Variants in DGCR2 observed in about 807,000 individuals in gnomAD.
The protein encoded by DGCR2 is integral membrane protein DGCR2/IDD.
DGCR2 carries 24 observed loss-of-function variants against 51.6 expected under a neutral mutation model. That is an observed-to-expected ratio of 0.47 (90% CI 0.34 to 0.65). The LOEUF is 0.65. Ranked by LOEUF, DGCR2 falls within the 30% of genes least tolerant of loss-of-function variation. DGCR2 has a pLI of 0.01. For synonymous variants in DGCR2, 340 were observed against 315.4 expected (o/e 1.08, Z -0.82); for missense variants, 765 against 772.1 (o/e 0.99, Z 0.11).
rs769343769 is a variant in DGCR2, at chr22:19,039,035, G to A, written c.1483C>T (p.Gln495Ter). Reference sequence around the variant, plus strand: ...GAGGCCCCCGCAGTGGGCAGAGGCTGCTCCAGGCGCCGGAGTAATGCACCT... The same window carrying A: ...GAGGCCCCCGCAGTGGGCAGAGGCTACTCCAGGCGCCGGAGTAATGCACCT... ...SEGALLRRLEQPLPTAGASLA... is the reference protein window; with the variant it reads ...SEGALLRRLE The change falls in exon 10 of 10, where the codon CAG becomes TAG. Residue 495 changes from glutamine (Q) to a stop codon, truncating the protein, a stop_gained. Coordinates refer to ENST00000263196, the MANE Select transcript of DGCR2 (RefSeq NM_005137.3). LOFTEE classifies it low-confidence loss of function (END_TRUNC). 8.7e-6 allele frequency: 14 copies of A among 1,612,878 alleles called. No homozygotes were observed. The highest frequency in any genetic ancestry group is 1.2e-5 in the Non-Finnish European group (14 of 1,179,894).
intron 3 of DGCR2, chr22:19,065,330 C>T (rs561857944): frequency 4.1e-5 from 20 of 487,612 alleles, no homozygotes; most frequent in South Asian, 1.5e-4. Context: ...TAGTCAAGAA[C>T]GGCTGCTGAA....
Position 19,037,042 on chromosome 22 carries a change from C to T in DGCR2, c.*1823G>A, listed in dbSNP as rs971561114. 37 of 152,478 alleles carry T rather than the reference C, an allele frequency of 2.4e-4. No homozygotes were observed. The highest frequency in any genetic ancestry group is 3.8e-4 in the Non-Finnish European group (26 of 68,238). The allele number at this position is 152,478 out of a possible 1,614,324, so 9.4% of individuals were successfully genotyped here. ...CTGGCCACCTGGCACCCATAATGCA[C>T]ATGCCTGCTGCTCTGGAACCTGGCT... On this transcript the variant is annotated 3_prime_UTR_variant, in exon 10 of 10. Transcript: ENST00000263196.
chr22:19,063,386 G>A, intron 4 of DGCR2, 108 bp from the exon 5 acceptor site: 1 of 1,031,468 alleles, frequency 9.7e-7, no homozygotes, highest in Non-Finnish European at 1.4e-6. Flanking sequence ...CTGTCACCAG[G>A]ATGGAGTGCA....
At chr22:19,063,115 A>C in intron 5 of DGCR2, 87 bp downstream of exon 5, 1 of 1,293,580 alleles carries the variant, frequency 7.7e-7, no homozygotes, top group Non-Finnish European at 1.1e-6. Context: ...CGGGCCAGGC[A>C]GCACTGGGTA....
Position 19,039,080 on chromosome 22 carries a change from G to A in DGCR2, c.1438C>T (p.Pro480Ser). Residue 480 changes from proline (P) to serine (S), a missense_variant, in exon 10 of 10, where the codon CCT (proline) becomes TCT (serine). This residue lies in a region of DGCR2 where 205 missense variants were observed against 181.4 expected (regional missense o/e 1.13). Coordinates refer to ENST00000263196, the MANE Select transcript of DGCR2 (RefSeq NM_005137.3). ...FEPVEVSLPA[P>S]GDGGSEGALL... ...GCACCTTCACTCCCACCATCCCCAG[G>A]GGCTGGCAGGCTGACCTCCACAGGC... is the stretch of plus-strand genomic sequence containing the variant. 4 of 1,613,242 alleles carry A rather than the reference G, an allele frequency of 2.5e-6. No homozygotes were observed. The highest frequency in any genetic ancestry group is 3.4e-6 in the Non-Finnish European group (4 of 1,180,002).
chr22:19,084,324 GC>G (rs550237589), intron 2 of DGCR2, among the ~76,000 whole-genome samples: 424 of 150,540 alleles, frequency 2.8e-3, no homozygotes, highest in Non-Finnish European at 4.7e-3. Flanking sequence ...GAGCGCCTCT[GC>G]CCCGCCGCCC....
intron 3 of DGCR2, among the ~76,000 whole-genome samples, chr22:19,067,688 G>A (rs1375803283): frequency 6.4e-5 from 9 of 140,370 alleles, no homozygotes; most frequent in Admixed American, 3.0e-4. Flanking sequence ...GTGAGACTCC[G>A]TCTCTAAATA....
rs776725112 is a variant in DGCR2, at chr22:19,057,198, C to T, written c.626-36G>A. On this transcript the variant is annotated intron_variant, in intron 5 of 9. Transcript: ENST00000263196. The surrounding 1 kb of genome is among the most constrained non-coding windows in gnomAD (Gnocchi z 5.1). ...GACAAAAGGTGGGGCTGGACAACAT[C>T]ACATCAGAGGACAAGCTGTGCAGTC... 1 of 1,558,964 alleles carries T rather than the reference C, an allele frequency of 6.4e-7. No individual in the cohort carries two copies. Among genetic ancestry groups the T allele is most frequent in the East Asian group, 2.3e-5 (1 of 43,302 alleles).
chr22:19,066,110 A>T (rs2082745573), intron 3 of DGCR2, among the ~76,000 whole-genome samples: 1 of 152,216 alleles, frequency 6.6e-6, no homozygotes, highest in Non-Finnish European at 1.5e-5. Flanking sequence ...GCAGACAAGG[A>T]ATCAGAGGGC....
At chr22:19,075,682 G>A (rs536463696) in intron 2 of DGCR2, among the ~76,000 whole-genome samples, 23 of 152,332 alleles carry the variant, frequency 1.5e-4, no homozygotes, top group Admixed American at 2.6e-4. Context: ...GAAACATACA[G>A]TATTTGTTAT....
intron 2 of DGCR2, among the ~76,000 whole-genome samples, chr22:19,083,914 G>C (rs375117280): frequency 6.6e-6 from 1 of 152,168 alleles, no homozygotes; most frequent in East Asian, 1.9e-4. Flanking sequence ...TGGAGACGGG[G>C]TTTTGCTGTG....
At chr22:19,104,545 C>A (rs2083241684) in intron 1 of DGCR2, among the ~76,000 whole-genome samples, 1 of 152,188 alleles carries the variant, frequency 6.6e-6, no homozygotes, top group Admixed American at 6.5e-5. Flanking sequence ...CTAAGAAAAT[C>A]AAAACATTTC....
intron 2 of DGCR2, among the ~76,000 whole-genome samples, chr22:19,084,569 A>G (rs369846641): frequency 0.018 from 1,165 of 63,370 alleles, 22 homozygotes; most frequent in Middle Eastern, 0.067. Flanking sequence ...CCCGGCAGCC[A>G]CCCCGTCTGA....
At chr22:19,040,221 C>A (rs2146299860) in intron 9 of DGCR2, among the ~76,000 whole-genome samples, 1 of 152,326 alleles carries the variant, frequency 6.6e-6, no homozygotes, top group African/African-American at 2.4e-5. Context: ...GTCATGAGGG[C>A]AGGGGTCAAA....
In DGCR2 at chr22:19,076,412, G is replaced by A. The variant is rs187602491; in HGVS notation, c.203-8187C>T. Among the ~76,000 whole-genome samples, 1,173 of 152,054 alleles carry A rather than the reference G, an allele frequency of 7.7e-3. 21 individuals are homozygous for A. The highest frequency in any genetic ancestry group is 0.026 in the African/African-American group (1,090 of 41,430). ...ACTCCTGACCTCAAGTGATCCGCCC[G>A]CCTCGGCCTCCCAAAGTGCTGGGAT... is the stretch of plus-strand genomic sequence containing the variant. On this transcript the variant is annotated intron_variant, in intron 2 of 9. Transcript: ENST00000263196.
chr22:19,058,678 G>A (rs1368150261), intron 5 of DGCR2, among the ~76,000 whole-genome samples: 1 of 152,234 alleles, frequency 6.6e-6, no homozygotes, highest in Non-Finnish European at 1.5e-5. Flanking sequence ...TGCCAGCTAA[G>A]AGCTCCTGCC....
intron 7 of DGCR2, chr22:19,048,155 G>T (rs891672896): frequency 2.0e-6 from 1 of 506,028 alleles, no homozygotes; most frequent in East Asian, 3.6e-5. Context: ...GAAGCTGTCA[G>T]TGGTGACTTG....
chr22:19,119,694 C>T (rs1259839204), intron 1 of DGCR2, among the ~76,000 whole-genome samples: 1 of 143,654 alleles, frequency 7.0e-6, no homozygotes, highest in East Asian at 2.1e-4. Flanking sequence ...CAAGATCACG[C>T]TACTGCACTC....
At chr22:19,064,066 CT>C (rs1288946981) in intron 4 of DGCR2, among the ~76,000 whole-genome samples, 33 of 152,244 alleles carry the variant, frequency 2.2e-4, no homozygotes, top group Admixed American at 6.5e-4. Flanking sequence ...GCACTGGCAT[CT>C]GGCTGACCGC....
Sources: gnomAD v4.1 joint callset for allele counts (sites outside exome capture counted in the v4.1 genomes callset) on GRCh38, gnomAD v4.1.1 for gene constraint, gnomAD v4.1.1 regional missense constraint, Gnocchi (gnomAD v3.1) non-coding constraint, MANE v1.5 for transcripts, NCBI Gene and HGNC (gene_info 2026-07-23, HGNC 2026-07-21) for gene names.